The following GTF3A variants were observed in gnomAD, a reference collection of about 807,000 sequenced individuals.
GTF3A encodes general transcription factor IIIA.
Under a neutral mutation model 37.6 loss-of-function variants are expected in GTF3A, and 40 were observed. The ratio of observed to expected loss-of-function variants is 1.06; its 90% confidence interval spans 0.83 to 1.38. The LOEUF (loss-of-function observed/expected upper bound fraction) is 1.38. Among genes scored for constraint, GTF3A ranks in the 40% most tolerant of loss-of-function variants. The probability of loss-of-function intolerance (pLI) is 0.00; values close to 1 mark genes in which losing one functional copy is unlikely to be tolerated. For missense variants in GTF3A, 500 were observed against 462.6 expected, an observed-to-expected ratio of 1.08 and a Z score of -0.74; for synonymous variants, 191 against 166.7, an observed-to-expected ratio of 1.15 and a Z score of -1.12.
At chr13:27,428,212 C>G (rs921679268) in intron 2 of GTF3A, among the ~76,000 whole-genome samples, 1 of 152,168 alleles carries the variant, frequency 6.6e-6, no homozygotes, top group Non-Finnish European at 1.5e-5. Context: ...GGAGAGGTGG[C>G]CTCGCTGTCT....
intron 5 of GTF3A, among the ~76,000 whole-genome samples, chr13:27,433,562 GTTAAAATATAATGTACCCTACTT>G (rs1263492158): frequency 2.0e-4 from 27 of 136,532 alleles, no homozygotes; most frequent in Non-Finnish European, 2.1e-4. Flanking sequence ...TTGTGATAAA[GTTAAAATATAATGTACCCTACTT>G]TTTTTGTGCA....
chr13:27,427,343 G>A (rs906833468), intron 2 of GTF3A, among the ~76,000 whole-genome samples, 151 bp downstream of exon 2: 9 of 151,918 alleles, frequency 5.9e-5, no homozygotes, highest in African/African-American at 9.7e-5. Context: ...TTTGGGAGGC[G>A]GAGATGGGCA....
chr13:27,430,648 C>T (rs1287603596), intron 4 of GTF3A, 27 bp downstream of exon 4: 2 of 1,384,362 alleles, frequency 1.4e-6, no homozygotes, highest in Non-Finnish European at 2.1e-6. Context: ...GCTGAAAATG[C>T]CTGGATTCTA....
chr13:27,434,029 C>T, intron 5 of GTF3A, 110 bp from the exon 6 acceptor site: 1 of 684,692 alleles, frequency 1.5e-6, no homozygotes, highest in Non-Finnish European at 2.7e-6. Flanking sequence ...GAGTTGAATA[C>T]TATTAGGCGG....
intron 5 of GTF3A, 108 bp from the exon 6 acceptor site, chr13:27,434,031 A>T (rs1039329814): frequency 7.2e-6 from 5 of 690,596 alleles, no homozygotes; most frequent in Non-Finnish European, 1.3e-5. Flanking sequence ...GTTGAATACT[A>T]TTAGGCGGGG....
intron 3 of GTF3A, 107 bp from the exon 4 acceptor site, chr13:27,430,426 G>A: frequency 1.5e-6 from 1 of 659,504 alleles, no homozygotes; most frequent in South Asian, 2.2e-5. Flanking sequence ...GGTGAAAGCA[G>A]AAATTTTATA....
In GTF3A at chr13:27,427,156, G is replaced by T; in HGVS notation, c.266G>T (p.Arg89Leu). Residue 89 changes from arginine (R) to leucine (L), a missense_variant, in exon 2 of 9, where the codon CGC (arginine) becomes CTC (leucine). Physicochemically the swap from Arg to Leu is moderately radical, Grantham distance 102 (BLOSUM62 -2). Coordinates refer to ENST00000381140, the MANE Select transcript of GTF3A (RefSeq NM_002097.3). ...TTCATCAGGGACTACCATCTGAGCC[G>T]CCACATTCTGACTCACACAGGAGAA... 1 of 1,603,954 alleles carries T rather than the reference G, an allele frequency of 6.2e-7. No individual in the cohort carries two copies. The highest frequency in any genetic ancestry group is 2.2e-5 in the East Asian group (1 of 44,806).
rs80320304 is a variant in GTF3A at position 27,428,568 on chromosome 13, G to A, written c.303-1302G>A. On this transcript the variant is annotated intron_variant, in intron 2 of 8. Transcript: ENST00000381140. ...GCAGGCATGAAGCTGTGGTCCAGCTGTGCTAACTAACCAGCCCCCTCTCCA... is the reference window on the plus strand; with the variant it reads ...GCAGGCATGAAGCTGTGGTCCAGCTATGCTAACTAACCAGCCCCCTCTCCA... Among the ~76,000 whole-genome samples, 345 of 152,318 alleles carry A rather than the reference G, an allele frequency of 2.3e-3. 6 individuals carry two copies. The East Asian group carries it at 0.057, about 25-fold the overall frequency.
intron 4 of GTF3A, among the ~76,000 whole-genome samples, chr13:27,431,022 A>G (rs952114812): frequency 4.6e-5 from 7 of 152,130 alleles, no homozygotes; most frequent in East Asian, 1.9e-4. Context: ...AGTTTTTCCA[A>G]TGTTTTCATT....
chr13:27,434,785 TTGTC>T lies in GTF3A; in HGVS notation c.644-11_644-8del, dbSNP rs774045228. On this transcript the variant is annotated splice_polypyrimidine_tract_variant and intron_variant, in intron 6 of 8. Transcript: ENST00000381140. ...TAATATCTGGGGAAATTTGTGAAAT[TTGTC>T]TGTCTGTCCCACCAGAGGAAATACT... 6.1e-6 allele frequency: 9 copies of T among 1,464,214 alleles called. No individual in the cohort carries two copies. The highest frequency in any genetic ancestry group is 1.9e-5 in the Admixed American group (1 of 52,946). 90.7% of individuals were successfully genotyped at this position (1,464,214 alleles called of 1,614,324 possible). A position where few individuals can be genotyped will look rare whatever the true frequency, so the allele number is the denominator to read the frequency against.
In GTF3A at chr13:27,435,460, T is replaced by G. The variant is rs1384473949; in HGVS notation, c.961T>G (p.Leu321Val). 2.5e-6 allele frequency: 4 copies of G among 1,613,158 alleles called. No individual in the cohort carries two copies. Among genetic ancestry groups the G allele is most frequent in the Non-Finnish European group, 3.4e-6 (4 of 1,179,540 alleles). Residue 321 changes from leucine (L) to valine (V), a missense_variant, in exon 9 of 9, where the codon TTG becomes GTG. Leu to Val is a conservative substitution (Grantham distance 32, BLOSUM62 1). Coordinates refer to ENST00000381140, the MANE Select transcript of GTF3A (RefSeq NM_002097.3). ...CAAAAAATCTCGTGAAAAACGGAGT[T>G]TGGCCTCTCATCTCAGTGGATATAT...
rs750313230 is a variant in GTF3A at position 27,435,538 on chromosome 13, T to C, written c.1039T>C (p.Ser347Pro). The C allele has an allele frequency of 4.3e-6, 7 of 1,613,500 alleles. No individual in the cohort carries two copies. In the East Asian group the frequency reaches 1.3e-4, roughly 31 times the overall value. Residue 347 changes from serine (S) to proline (P), a missense_variant, in exon 9 of 9, where the codon TCA (serine) becomes CCA (proline). Transcript: ENST00000381140. ...CTTATCTTTGTGTCAAAACGGAGAG[T>C]CACCCAACTGTGTGGAAGACAAGAT...
In GTF3A at chr13:27,424,666, GCGCGCCGGTTCC is replaced by G. The variant is rs1210053171; in HGVS notation, c.-69_-58del. On this transcript the variant is annotated 5_prime_UTR_variant, in exon 1 of 9. Coordinates refer to ENST00000381140, the MANE Select transcript of GTF3A (RefSeq NM_002097.3). ...GGTTCAGCAGGGAGCCGTGGGCCGG[GCGCGCCGGTTCC>G]CGGCACGTGTCTCGGCACGTGGCAG... 7.6e-5 allele frequency: 87 copies of G among 1,150,306 alleles called. No individual in the cohort carries two copies. The highest frequency in any genetic ancestry group is 9.8e-5 in the Non-Finnish European group (86 of 877,784). 71.3% of individuals were successfully genotyped at this position (1,150,306 alleles called of 1,614,324 possible).
In GTF3A at chr13:27,424,817, C is replaced by T; in HGVS notation, c.80C>T (p.Ser27Leu). 1 of 1,549,808 alleles carries T rather than the reference C, an allele frequency of 6.5e-7. No individual in the cohort carries two copies. The highest frequency in any genetic ancestry group is 8.7e-7 in the Non-Finnish European group (1 of 1,146,522). Residue 27 changes from serine (S) to leucine (L), a missense_variant, in exon 1 of 9, where the codon TCA becomes TTA. Ser to Leu is a moderately radical substitution (Grantham distance 145). Transcript: ENST00000381140. The stretch of plus-strand genomic sequence containing the variant: ...GCGTTCATTGCAGCCGGCGAGAGCT[C>T]AGCTCCGACCCCGCCGCGCCCCGCG...
chr13:27,428,434 C>CA, intron 2 of GTF3A, among the ~76,000 whole-genome samples: 1 of 152,328 alleles, frequency 6.6e-6, no homozygotes, highest in Middle Eastern at 3.4e-3. Context: ...TAAAGCTGTG[C>CA]AGTGCTTTCA....
In GTF3A at chr13:27,427,156, G is replaced by A. The variant is rs1303941064; in HGVS notation, c.266G>A (p.Arg89His). 1.1e-5 allele frequency: 18 copies of A among 1,603,832 alleles called. No individual in the cohort carries two copies. The highest frequency in any genetic ancestry group is 1.7e-4 in the Middle Eastern group (1 of 6,060). Residue 89 changes from arginine (R) to histidine (H), a missense_variant, in exon 2 of 9, where the codon CGC becomes CAC. Transcript: ENST00000381140. ...TTCATCAGGGACTACCATCTGAGCC[G>A]CCACATTCTGACTCACACAGGAGAA... is the stretch of plus-strand genomic sequence containing the variant.
chr13:27,432,936 T>TA (rs1381765019), intron 5 of GTF3A, 132 bp downstream of exon 5: 1 of 707,146 alleles, frequency 1.4e-6, no homozygotes, highest in African/African-American at 1.8e-5. Context: ...ATTTGGGTCT[T>TA]ACACTCTTGT....
At chr13:27,432,458 T>C (rs1953665586) in intron 4 of GTF3A, among the ~76,000 whole-genome samples, 1 of 152,212 alleles carries the variant, frequency 6.6e-6, no homozygotes, top group African/African-American at 2.4e-5. Flanking sequence ...TTTGTAGCCA[T>C]GAAAGCAGAG....
chr13:27,429,308 A>AAAAAAG (rs1473585396), intron 2 of GTF3A: 2 of 151,176 alleles, frequency 1.3e-5, no homozygotes, highest in Non-Finnish European at 3.0e-5. Flanking sequence ...GGAAAAAAAA[A>AAAAAAG]AAAAAAAAAG....
Sources: allele counts gnomAD v4.1 joint callset (sites outside exome capture counted in the v4.1 genomes callset), GRCh38; gene constraint gnomAD v4.1.1; transcripts MANE v1.5; gene names NCBI Gene and HGNC (gene_info 2026-07-23, HGNC 2026-07-21).